The following SHISA6 variants were observed in gnomAD, a reference collection of about 807,000 sequenced individuals.
SHISA6 encodes shisa family member 6, also known as protein shisa-6.
A neutral mutation model predicts 47.9 loss-of-function variants in SHISA6; 22 were observed. The ratio of observed to expected loss-of-function variants is 0.46; its 90% CI spans 0.33 to 0.66. SHISA6 has a LOEUF of 0.66. Among genes scored for constraint, SHISA6 ranks in the 30% least tolerant of loss-of-function variants. The pLI is 0.02. For synonymous variants in SHISA6, 388 were observed against 337.8 expected (o/e 1.15, Z -1.63); for missense variants, 680 against 764.6 (o/e 0.89, Z 1.30).
At chr17:11,291,533 C>T (rs540703137) in intron 2 of SHISA6, among the ~76,000 whole-genome samples, 14 of 152,134 alleles carry the variant, frequency 9.2e-5, no homozygotes, top group African/African-American at 3.4e-4. Flanking sequence ...ACTCGGGAGG[C>T]TGAGGCAGGA....
At chr17:11,324,434 G>A (rs1019193501) in intron 2 of SHISA6, among the ~76,000 whole-genome samples, 3 of 152,296 alleles carry the variant, frequency 2.0e-5, no homozygotes, top group Non-Finnish European at 4.4e-5. Flanking sequence ...GGGCACAGGG[G>A]TTACTTGTCA....
At chr17:11,331,614 C>T (rs751900649) in intron 2 of SHISA6, among the ~76,000 whole-genome samples, 2 of 152,112 alleles carry the variant, frequency 1.3e-5, no homozygotes, top group Non-Finnish European at 2.9e-5. Context: ...TGGAGCACCC[C>T]ATGCATGCAC....
At chr17:11,258,752 G>A (rs553926932) in intron 1 of SHISA6, among the ~76,000 whole-genome samples, 1 of 152,302 alleles carries the variant, frequency 6.6e-6, no homozygotes, top group South Asian at 2.1e-4. Flanking sequence ...TAGTGTAAAA[G>A]GTTGTAGAGC....
intron 2 of SHISA6, among the ~76,000 whole-genome samples, chr17:11,365,874 G>A (rs1420865022): frequency 6.6e-6 from 1 of 152,192 alleles, no homozygotes; most frequent in Non-Finnish European, 1.5e-5. Context: ...GCCTACAATA[G>A]ATTGGGTGAT....
intron 3 of SHISA6, among the ~76,000 whole-genome samples, chr17:11,528,303 T>G (rs1303151683): frequency 6.6e-6 from 1 of 152,212 alleles, no homozygotes; most frequent in Non-Finnish European, 1.5e-5. Context: ...GGATATATAC[T>G]GTGTGTCCCT....
intron 3 of SHISA6, among the ~76,000 whole-genome samples, chr17:11,520,625 G>T (rs1020243876): frequency 2.6e-5 from 4 of 151,968 alleles, no homozygotes; most frequent in African/African-American, 9.7e-5. Context: ...TCTTTCCTAC[G>T]TCAGGGGCCT....
In SHISA6 at chr17:11,437,739, C is replaced by T. The variant is rs116731445; in HGVS notation, c.895+58230C>T. The stretch of plus-strand genomic sequence containing the variant: ...CATGGTTCTTTAATGCCATGTGTTT[C>T]TCTGACTCATTTTCTTATTCCATTG... On this transcript the variant is annotated intron_variant, in intron 3 of 5. Transcript: ENST00000441885. 1.7e-3 allele frequency among the ~76,000 whole-genome samples: 258 copies of T among 152,308 alleles called. 3 individuals carry two copies. Among genetic ancestry groups the T allele is most frequent in the African/African-American group, 5.9e-3 (246 of 41,576 alleles).
intron 3 of SHISA6, among the ~76,000 whole-genome samples, chr17:11,533,371 C>T (rs1025789924): frequency 2.6e-5 from 4 of 152,152 alleles, no homozygotes; most frequent in Middle Eastern, 3.4e-3. Flanking sequence ...GTCAATTTGG[C>T]GTTAAAGTGC....
intron 1 of SHISA6, among the ~76,000 whole-genome samples, chr17:11,259,438 G>GAT (rs1464218817): frequency 6.6e-6 from 1 of 152,204 alleles, no homozygotes; most frequent in Admixed American, 6.5e-5. Context: ...CTCAATAAAT[G>GAT]ATAGTCTTTA....
At chr17:11,404,870 C>G (rs1025446600) in intron 3 of SHISA6, among the ~76,000 whole-genome samples, 1 of 152,160 alleles carries the variant, frequency 6.6e-6, no homozygotes, top group African/African-American at 2.4e-5. Context: ...ATGCAGCCCT[C>G]CAACAGATGC....
chr17:11,293,898 G>GT (rs934181502), intron 2 of SHISA6, among the ~76,000 whole-genome samples: 34 of 152,074 alleles, frequency 2.2e-4, no homozygotes, highest in Middle Eastern at 6.8e-3. Flanking sequence ...TTTTGTTTTT[G>GT]TTTTTTGAGA....
At chr17:11,472,311 C>G (rs771773446) in intron 3 of SHISA6, among the ~76,000 whole-genome samples, 1 of 152,168 alleles carries the variant, frequency 6.6e-6, no homozygotes, top group African/African-American at 2.4e-5. Context: ...GTCTTTCCAG[C>G]TTAGCTTCCT....
At chr17:11,411,715 T>C (rs527761522) in intron 3 of SHISA6, among the ~76,000 whole-genome samples, 19 of 152,242 alleles carry the variant, frequency 1.2e-4, no homozygotes, top group Middle Eastern at 3.4e-3. Flanking sequence ...CACTTCTAAT[T>C]CACTGAGGGT....
chr17:11,447,569 T>C (rs1915269653), intron 3 of SHISA6, among the ~76,000 whole-genome samples: 1 of 152,178 alleles, frequency 6.6e-6, no homozygotes, highest in South Asian at 2.1e-4. Flanking sequence ...TTTGGTTTTA[T>C]TGTGTCCCAC....
chr17:11,520,382 T>G (rs1321144188), intron 3 of SHISA6, among the ~76,000 whole-genome samples: 2 of 152,174 alleles, frequency 1.3e-5, no homozygotes, highest in Non-Finnish European at 2.9e-5. Context: ...AGTCCTACCT[T>G]GAAAATATGT....
chr17:11,304,564 C>G (rs984509386), intron 2 of SHISA6, among the ~76,000 whole-genome samples: 20 of 151,998 alleles, frequency 1.3e-4, no homozygotes, highest in African/African-American at 4.8e-4. Flanking sequence ...GCATTTTGAG[C>G]TGATTGGAGA....
At chr17:11,364,682 A>G (rs1912387029) in intron 2 of SHISA6, among the ~76,000 whole-genome samples, 1 of 152,232 alleles carries the variant, frequency 6.6e-6, no homozygotes, top group Admixed American at 6.5e-5. Context: ...ATGTCAATTG[A>G]CGGACATATA....
At chr17:11,450,879 C>T (rs924755215) in intron 3 of SHISA6, among the ~76,000 whole-genome samples, 1 of 151,898 alleles carries the variant, frequency 6.6e-6, no homozygotes, top group Non-Finnish European at 1.5e-5. Context: ...AACCTTGCCC[C>T]TCAAGCGCTG....
intron 3 of SHISA6, among the ~76,000 whole-genome samples, chr17:11,540,512 C>G (rs2071824602): frequency 6.6e-6 from 1 of 152,180 alleles, no homozygotes; most frequent in Admixed American, 6.5e-5. Context: ...TTGGCTAAAG[C>G]TCTCACTTCT....
Sources: gnomAD v4.1 joint callset for allele counts (sites outside exome capture counted in the v4.1 genomes callset) on GRCh38, gnomAD v4.1.1 for gene constraint, MANE v1.5 for transcripts, NCBI Gene and HGNC (gene_info 2026-07-23, HGNC 2026-07-21) for gene names.